SH3YL1: variants seen among roughly 807,000 people sequenced by gnomAD.
SH3YL1 encodes the protein SH3 and SYLF domain containing 1.
In SH3YL1, 41 loss-of-function variants were observed where a neutral mutation model predicts 45.8. The observed-to-expected ratio is 0.89, with a 90% CI of 0.70 to 1.16. SH3YL1 has a LOEUF of 1.16. Ranked by LOEUF, SH3YL1 falls within the 50% of genes most tolerant of loss-of-function variation. The pLI, the probability that SH3YL1 is intolerant of heterozygous loss-of-function variation, is 0.00. For synonymous variants in SH3YL1, 152 were observed against 151.4 expected (o/e 1.00, Z -0.03); for missense variants, 389 against 409.6 (o/e 0.95, Z 0.43).
chr2:243,269 T>C (rs750812076), intron 4 of SH3YL1, among the ~76,000 whole-genome samples: 10 of 152,166 alleles, frequency 6.6e-5, no homozygotes, highest in African/African-American at 1.7e-4. Flanking sequence ...CAAAAGTCTA[T>C]ATTTGAGGCC....
chr2:262,935 C>T (rs1669647674), intron 1 of SH3YL1: 2 of 294,362 alleles, frequency 6.8e-6, no homozygotes, highest in South Asian at 6.2e-5. Flanking sequence ...AACCAATTCT[C>T]CTCAAACATG....
intron 2 of SH3YL1, among the ~76,000 whole-genome samples, chr2:251,855 A>C (rs573856808): frequency 8.5e-5 from 13 of 152,380 alleles, no homozygotes; most frequent in African/African-American, 3.1e-4. Context: ...TAAAGCATTA[A>C]AGTTCTATTA....
chr2:247,623 C>T (rs376311077), intron 3 of SH3YL1, 21 bp from the exon 4 acceptor site: 347 of 1,545,086 alleles, frequency 2.2e-4, no homozygotes, highest in Non-Finnish European at 2.8e-4. Context: ...AACAAACGAA[C>T]GTTATCCTAA....
intron 1 of SH3YL1, chr2:262,718 C>T (rs1572186985): frequency 1.5e-6 from 2 of 1,290,886 alleles, no homozygotes; most frequent in East Asian, 5.6e-5. Context: ...CCTCAACTTC[C>T]TATGTTTGTG....
upstream of SH3YL1, chr2:264,179 G>A (rs367670513): frequency 2.8e-6 from 2 of 717,192 alleles, no homozygotes; most frequent in East Asian, 6.9e-5. Context: ...TCAGGCCTTC[G>A]CCCTCAGGGA....
At position 218,272 on chromosome 2, in the gene SH3YL1, T is replaced by C. The variant is rs1422595409; in HGVS notation, c.*539A>G. 1.3e-5 allele frequency: 2 copies of C among 152,256 alleles called. No individual in the cohort carries two copies. The highest frequency in any genetic ancestry group is 6.5e-5 in the Admixed American group (1 of 15,284). 9.4% of individuals were successfully genotyped at this position (152,256 alleles called of 1,614,324 possible). A position where few individuals can be genotyped will look rare whatever the true frequency, so the allele number is the denominator to read the frequency against. On this transcript the variant is annotated 3_prime_UTR_variant, in exon 10 of 10. Coordinates refer to ENST00000356150, the MANE Select transcript of SH3YL1 (RefSeq NM_015677.4). ...GAAAAGTTGAGAGATGCCATATGTT[T>C]AAAGACATGGTAGTCAGACTTCTTT...
chr2:252,309 A>G lies in SH3YL1; in HGVS notation c.112+696T>C, dbSNP rs371318069. 2.6e-5 allele frequency among the ~76,000 whole-genome samples: 4 copies of G among 152,298 alleles called. No individual in the cohort carries two copies. In the East Asian group the frequency reaches 7.7e-4, roughly 29 times the overall value. On this transcript the variant is annotated intron_variant, in intron 2 of 9. Coordinates refer to ENST00000356150, the MANE Select transcript of SH3YL1 (RefSeq NM_015677.4). The stretch of plus-strand genomic sequence containing the variant: ...GTGGAAGGAGGAAACACAAAATTAA[A>G]ATTTATGTATGAGATTAGCTGGTGA...
chr2:219,090 G>C, intron 9 of SH3YL1, 89 bp from the exon 10 acceptor site: 2 of 1,012,700 alleles, frequency 2.0e-6, no homozygotes, highest in South Asian at 3.9e-5. Context: ...ACCACTTAGG[G>C]CTTGGCATGC....
upstream of SH3YL1, chr2:264,356 C>T (rs2103066734): frequency 3.9e-6 from 1 of 259,496 alleles, no homozygotes. Flanking sequence ...CCCGCCCAGC[C>T]CCTCTATGCG....
In SH3YL1 at chr2:229,971, G is replaced by C; in HGVS notation, c.776C>G (p.Ser259Cys). The change falls in exon 8 of 10, where the codon TCT becomes TGT. Residue 259 changes from serine to cysteine, a missense_variant. Ser to Cys is a moderately radical substitution (Grantham distance 112, BLOSUM62 -1). Transcript: ENST00000356150. ...ATTGCAACAAAAATATTTACTTTGA[G>C]AGCCAGAGTTCAGCTGGACTGGTGC... ...SSAPVQLNSG[S>C]QSNRNEYKLY... is the part of the protein sequence containing the mutation. The C allele has an allele frequency of 6.2e-7, 1 of 1,611,584 alleles. No individual in the cohort carries two copies. The highest frequency in any genetic ancestry group is 1.1e-5 in the South Asian group (1 of 90,796).
chr2:258,685 T>A (rs1558255069), intron 1 of SH3YL1, among the ~76,000 whole-genome samples: 1 of 152,162 alleles, frequency 6.6e-6, no homozygotes, highest in Admixed American at 6.5e-5. Context: ...TTAGAACTAT[T>A]TTATCCATCA....
At chr2:261,830 C>T (rs941431723) in intron 1 of SH3YL1, among the ~76,000 whole-genome samples, 1 of 152,232 alleles carries the variant, frequency 6.6e-6, no homozygotes, top group African/African-American at 2.4e-5. Flanking sequence ...CAAACTTTTG[C>T]TTCCCTTATA....
chr2:233,195 C>T lies in SH3YL1; in HGVS notation c.439G>A (p.Ala147Thr), dbSNP rs554330897. The T allele has an allele frequency of 6.0e-5, 96 of 1,589,686 alleles. No individual in the cohort carries two copies. In the South Asian group the frequency reaches 1.0e-3, roughly 17 times the overall value. The change falls in exon 6 of 10, where the codon GCT becomes ACT. Residue 147 changes from alanine to threonine, a missense_variant. Physicochemically the swap from Ala to Thr is moderately conservative, Grantham distance 58. Transcript: ENST00000356150. ...LEGNVALRSSAAVFTYCKSRG... is the reference protein window; with the variant it reads ...LEGNVALRSSTAVFTYCKSRG... ...GACTTGCAGTACGTGAAGACGGCAG[C>T]GGAGCTTCTCAGGGCCACGTTTCCT...
chr2:230,706 G>C (rs1461365492), intron 7 of SH3YL1: 3 of 306,592 alleles, frequency 9.8e-6, no homozygotes. Context: ...AGGGGGTTTT[G>C]CCATGTTGGC....
chr2:236,432 A>T (rs1328450630), intron 4 of SH3YL1, among the ~76,000 whole-genome samples: 1 of 152,128 alleles, frequency 6.6e-6, no homozygotes, highest in Non-Finnish European at 1.5e-5. Context: ...TGAGAATCAG[A>T]TATAGGCGTC....
intron 4 of SH3YL1, among the ~76,000 whole-genome samples, chr2:236,871 T>A (rs528057048): frequency 1.3e-5 from 2 of 152,314 alleles, no homozygotes; most frequent in African/African-American, 4.8e-5. Context: ...TCAATTTGAA[T>A]CATTTTATGA....
chr2:223,775 T>C (rs1049497138), intron 9 of SH3YL1, among the ~76,000 whole-genome samples: 2 of 152,162 alleles, frequency 1.3e-5, no homozygotes, highest in African/African-American at 2.4e-5. Flanking sequence ...TGGCACAGCA[T>C]CTTCTGTAGG....
intron 1 of SH3YL1, among the ~76,000 whole-genome samples, chr2:254,791 T>C (rs577296954): frequency 2.6e-5 from 4 of 152,332 alleles, no homozygotes; most frequent in African/African-American, 9.6e-5. Flanking sequence ...GACTCATCCC[T>C]CTGCTCACGT....
chr2:252,446 G>A (rs947420554), intron 2 of SH3YL1, among the ~76,000 whole-genome samples: 8 of 152,088 alleles, frequency 5.3e-5, no homozygotes, highest in Non-Finnish European at 8.8e-5. Context: ...TGGCACCCTG[G>A]GATGGGAGGC....
Sources: allele counts gnomAD v4.1 joint callset (sites outside exome capture counted in the v4.1 genomes callset), GRCh38; gene constraint gnomAD v4.1.1; transcripts MANE v1.5; gene names NCBI Gene and HGNC (gene_info 2026-07-23, HGNC 2026-07-21).